RP1: variants seen among roughly 807,000 people sequenced by gnomAD.
The protein encoded by RP1 is oxygen-regulated protein 1.
Under a neutral mutation model 14.8 loss-of-function variants are expected in RP1, and 16 were observed. That is an observed-to-expected ratio of 1.08 (90% CI 0.73 to 1.65). The LOEUF is 1.65. Among genes scored for constraint, RP1 ranks in the 40% most tolerant of loss-of-function variants. The pLI is 0.00. For synonymous variants in RP1, 876 were observed against 883.6 expected (o/e 0.99, Z 0.15); for missense variants, 2,631 against 2,535.0 (o/e 1.04, Z -0.81).
In RP1 at chr8:54,625,590, A is replaced by C; in HGVS notation, c.1708A>C (p.Ile570Leu). The change falls in exon 4 of 4, where the codon ATA (isoleucine) becomes CTA (leucine). Residue 570 changes from isoleucine to leucine, a missense_variant. Transcript: ENST00000220676. ...ACATAATAATGGTTTGCCATCAACT[A>C]TATCAAATAACTCAATTGTGGAGGA... The part of the protein sequence containing the change: ...MSHNNGLPST[I>L]SNNSIVEEDV... 6.2e-7 allele frequency: 1 copy of C among 1,614,160 alleles called. No homozygotes were observed. Among genetic ancestry groups the C allele is most frequent in the Non-Finnish European group, 8.5e-7 (1 of 1,180,012 alleles).
chr8:54,589,679 A>G (rs2129300304), intron 1 of RP1, among the ~76,000 whole-genome samples: 1 of 152,266 alleles, frequency 6.6e-6, no homozygotes, highest in East Asian at 1.9e-4. Context: ...TCTACAGGAC[A>G]TTGCTAATTG....
chr8:54,607,600 G>A (rs918871099), intron 1 of RP1, among the ~76,000 whole-genome samples: 3 of 152,178 alleles, frequency 2.0e-5, no homozygotes, highest in Non-Finnish European at 2.9e-5. Flanking sequence ...AGTCTGCATA[G>A]GTTTCTGCTG....
intron 3 of RP1, among the ~76,000 whole-genome samples, chr8:54,647,262 A>G (rs1806569613): frequency 1.3e-5 from 2 of 151,996 alleles, no homozygotes; most frequent in African/African-American, 2.4e-5. Flanking sequence ...CGAAAATACA[A>G]AAATTACCTG....
rs533077656 is a variant in RP1 at position 54,849,062 on chromosome 8, T to C, written c.3836-3512T>C. On this transcript the variant is annotated intron_variant, in intron 25 of 28. Transcript: ENST00000637698. ...CTGCACGTGGCCTAGGATGATATTT[T>C]AGAGAAGTTTCATAATGACTGATAA... Among the ~76,000 whole-genome samples, 13 of 152,236 alleles carry C rather than the reference T, an allele frequency of 8.5e-5. 1 individual carries two copies. The South Asian group carries it at 2.1e-3, about 24-fold the overall frequency.
chr8:54,683,078 T>C (rs1245950612), intron 12 of RP1, among the ~76,000 whole-genome samples: 2 of 152,200 alleles, frequency 1.3e-5, no homozygotes, highest in Non-Finnish European at 2.9e-5. Flanking sequence ...TTGCTTGTTT[T>C]TGTCAGGTTA....
At position 54,694,586 on chromosome 8, in the gene RP1, G is replaced by C. The variant is rs1049078218; in HGVS notation, c.1718-4881G>C. Among the ~76,000 whole-genome samples the C allele has an allele frequency of 3.5e-4, 54 of 152,336 alleles. No individual in the cohort carries two copies. In the Middle Eastern group the frequency reaches 0.01, roughly 29 times the overall value. ...TTGCGGAATTTATCCATTTCTTCTA[G>C]ATTTTCTAGTTTATTTGCGTAGAGG... is the stretch of plus-strand genomic sequence containing the variant. On this transcript the variant is annotated intron_variant, in intron 12 of 22. Transcript: ENST00000636932.
intron 19 of RP1, among the ~76,000 whole-genome samples, chr8:54,743,883 C>G (rs1215969541): frequency 1.3e-5 from 2 of 152,170 alleles, no homozygotes; most frequent in Admixed American, 6.5e-5. Context: ...AAAAGCCAGC[C>G]ATGCTTCTGC....
At chr8:54,847,487 T>C (rs887971131) in intron 25 of RP1, among the ~76,000 whole-genome samples, 2 of 152,246 alleles carry the variant, frequency 1.3e-5, no homozygotes, top group Non-Finnish European at 2.9e-5. Flanking sequence ...TTTTGGCAGA[T>C]GGAATTCCAG....
At chr8:54,851,047 G>A (rs561539246) in intron 25 of RP1, among the ~76,000 whole-genome samples, 6 of 152,146 alleles carry the variant, frequency 3.9e-5, no homozygotes, top group Non-Finnish European at 5.9e-5. Context: ...GCAAGTACAC[G>A]TACGTGTGTG....
chr8:54,663,631 T>A, intron 6 of RP1: 1 of 1,356,408 alleles, frequency 7.4e-7, no homozygotes, highest in Non-Finnish European at 9.5e-7. Flanking sequence ...AAGAGGAGAT[T>A]TCTGTATGTA....
At chr8:54,777,484 C>G (rs908255220) in intron 23 of RP1, among the ~76,000 whole-genome samples, 1 of 152,046 alleles carries the variant, frequency 6.6e-6, no homozygotes, top group Non-Finnish European at 1.5e-5. Flanking sequence ...GAGCACTGGT[C>G]GAAACCATTT....
downstream of RP1, among the ~76,000 whole-genome samples, chr8:54,633,365 G>C (rs1806285600): frequency 6.6e-6 from 1 of 152,040 alleles, no homozygotes; most frequent in Admixed American, 6.6e-5. Context: ...TGAGCTATTG[G>C]TTCAGTGGAT....
Position 54,690,581 on chromosome 8 carries a change from C to T in RP1, c.1718-8886C>T, listed in dbSNP as rs558236713. On this transcript the variant is annotated intron_variant, in intron 12 of 22. Coordinates refer to the RP1 transcript ENST00000636932. ...AGAAAGAAACCTTGGGGAGAGGAGA[C>T]GTCAGGGGAGTAGAGAATTCTGGAT... Among the ~76,000 whole-genome samples, 133 of 151,938 alleles carry T rather than the reference C, an allele frequency of 8.8e-4. 1 individual carries two copies. The highest frequency in any genetic ancestry group is 3.5e-3 in the South Asian group (17 of 4,814).
chr8:54,589,317 G>A (rs967092228), intron 1 of RP1, among the ~76,000 whole-genome samples: 3 of 151,938 alleles, frequency 2.0e-5, no homozygotes, highest in Non-Finnish European at 4.4e-5. Flanking sequence ...TGGAAATTTT[G>A]GATAATTTTT....
chr8:54,768,897 CTTT>C (rs138672609), intron 22 of RP1, among the ~76,000 whole-genome samples: 6 of 138,620 alleles, frequency 4.3e-5, no homozygotes, highest in Non-Finnish European at 4.7e-5. Flanking sequence ...TGGTTATATT[CTTT>C]TTTTTTTTTT....
chr8:54,857,337 A>ATATATTT (rs1268439562), intron 27 of RP1, among the ~76,000 whole-genome samples: 3 of 147,626 alleles, frequency 2.0e-5, no homozygotes, highest in African/African-American at 7.4e-5. Flanking sequence ...TTTATAGAAT[A>ATATATTT]TATATTTATA....
At chr8:54,677,328 A>C (rs1807314572) in intron 8 of RP1, among the ~76,000 whole-genome samples, 1 of 152,058 alleles carries the variant, frequency 6.6e-6, no homozygotes, top group African/African-American at 2.4e-5. Context: ...TTTGGGAACC[A>C]CTGATCTAGG....
chr8:54,565,545 T>C (rs1804384249), intron 1 of RP1, among the ~76,000 whole-genome samples: 1 of 152,170 alleles, frequency 6.6e-6, no homozygotes, highest in Non-Finnish European at 1.5e-5. Context: ...CCCTTTATAC[T>C]GGTCCATTTG....
At chr8:54,723,719 G>A (rs771740525) in intron 16 of RP1, among the ~76,000 whole-genome samples, 3 of 152,092 alleles carry the variant, frequency 2.0e-5, no homozygotes, top group Non-Finnish European at 4.4e-5. Flanking sequence ...TTATAATTCC[G>A]TAGAGTAAGA....
Sources: gnomAD v4.1 joint callset for allele counts (sites outside exome capture counted in the v4.1 genomes callset) on GRCh38, gnomAD v4.1.1 for gene constraint, MANE v1.5 for transcripts, NCBI Gene and HGNC (gene_info 2026-07-23, HGNC 2026-07-21) for gene names.